Variants in KCNN3 observed in about 807,000 individuals in gnomAD.
KCNN3 encodes potassium calcium-activated channel subfamily N member 3, also known as small conductance calcium-activated potassium channel protein 3.
In KCNN3, 16 loss-of-function variants were observed where a neutral mutation model predicts 62.9. The observed-to-expected ratio is 0.25, with a 90% confidence interval of 0.17 to 0.39. The LOEUF is 0.39. Among genes scored for constraint, KCNN3 ranks in the 10% least tolerant of loss-of-function variants. KCNN3 has a pLI of 1.00. For synonymous variants in KCNN3, 370 were observed against 389.2 expected (o/e 0.95, Z 0.58); for missense variants, 599 against 949.4 (o/e 0.63, Z 4.85).
In KCNN3 at chr1:154,755,840, GGAAAGAA is replaced by G. The variant is rs200137821; in HGVS notation, c.1448+16128_1448+16134del. On this transcript the variant is annotated intron_variant, in intron 3 of 7. Coordinates refer to ENST00000271915, the MANE Select transcript of KCNN3 (RefSeq NM_002249.6). ...CAAAGAAGAAGAAGGAGGAGGAGGG[GGAAAGAA>G]GGAAGAAGGAAGAAGAAGGAAGAGG... 6.8e-3 allele frequency among the ~76,000 whole-genome samples: 805 copies of G among 118,126 alleles called. 15 individuals carry two copies. Among genetic ancestry groups the G allele is most frequent in the African/African-American group, 0.024 (764 of 31,906 alleles). The allele number at this position is 118,126 out of a possible 152,430, so 77.5% of individuals were successfully genotyped here. A position where few individuals can be genotyped will look rare whatever the true frequency, so the allele number is the denominator to read the frequency against.
At chr1:154,769,340 G>T (rs1648446419) in intron 3 of KCNN3, among the ~76,000 whole-genome samples, 1 of 152,098 alleles carries the variant, frequency 6.6e-6, no homozygotes, top group Non-Finnish European at 1.5e-5. Context: ...TGGCCTTTTC[G>T]CAAGAGAAGG....
chr1:154,759,357 A>G (rs1325165937), intron 3 of KCNN3, among the ~76,000 whole-genome samples: 1 of 151,664 alleles, frequency 6.6e-6, no homozygotes, highest in African/African-American at 2.4e-5. Flanking sequence ...GCACAATGGG[A>G]TCACGAGGGG....
intron 1 of KCNN3, among the ~76,000 whole-genome samples, chr1:154,825,831 G>T (rs545782638): frequency 6.6e-6 from 1 of 151,158 alleles, no homozygotes; most frequent in Admixed American, 6.6e-5. Context: ...GGCAGATCAC[G>T]AGGTCAGGAG....
chr1:154,709,102 G>T (rs1439869388), intron 7 of KCNN3, among the ~76,000 whole-genome samples: 2 of 152,148 alleles, frequency 1.3e-5, no homozygotes, highest in Non-Finnish European at 2.9e-5. Context: ...CCTGCACTCA[G>T]CACTGACTCC....
intron 1 of KCNN3, among the ~76,000 whole-genome samples, chr1:154,863,533 C>T (rs530629494): frequency 1.3e-5 from 2 of 152,190 alleles, no homozygotes; most frequent in African/African-American, 2.4e-5. Context: ...TTTTCTCCCC[C>T]AAATGTGCTT....
At chr1:154,832,423 T>C (rs1367783327) in intron 1 of KCNN3, among the ~76,000 whole-genome samples, 2 of 151,920 alleles carry the variant, frequency 1.3e-5, no homozygotes, top group Non-Finnish European at 1.5e-5. Context: ...CCCAGATCTG[T>C]CCTGGCATCC....
chr1:154,766,416 T>TTATATATA (rs373253800), intron 3 of KCNN3, among the ~76,000 whole-genome samples: 2,126 of 71,714 alleles, frequency 0.03, 250 homozygotes, highest in East Asian at 0.081. Context: ...TAGCCAGGCT[T>TTATATATA]TATATATATA....
chr1:154,842,394 G>A (rs1028620967), intron 1 of KCNN3, among the ~76,000 whole-genome samples: 10 of 152,164 alleles, frequency 6.6e-5, no homozygotes, highest in Admixed American at 2.0e-4. Context: ...CATACAGGCC[G>A]AGGAGAGGGG....
chr1:154,732,302 C>T (rs867179233), intron 4 of KCNN3, among the ~76,000 whole-genome samples: 18 of 152,268 alleles, frequency 1.2e-4, no homozygotes, highest in Non-Finnish European at 1.5e-4. Flanking sequence ...GCGAGAGTGT[C>T]GAGTGTGGGT....
intron 5 of KCNN3, 110 bp downstream of exon 5, chr1:154,725,806 G>T: frequency 1.3e-6 from 1 of 779,614 alleles, no homozygotes. Context: ...GCCTCCTAAA[G>T]TGTTGGGATT....
chr1:154,852,961 C>G (rs1233551237), intron 1 of KCNN3, among the ~76,000 whole-genome samples: 1 of 152,060 alleles, frequency 6.6e-6, no homozygotes, highest in Non-Finnish European at 1.5e-5. Context: ...TTTGGTAAGG[C>G]CTTCCCTGAG....
intron 1 of KCNN3, among the ~76,000 whole-genome samples, chr1:154,847,998 C>A (rs1358325846): frequency 1.3e-5 from 2 of 152,182 alleles, no homozygotes; most frequent in African/African-American, 4.8e-5. Context: ...TCCATACCTA[C>A]TCCTCCCAAA....
chr1:154,760,747 C>A (rs10908437), intron 3 of KCNN3, among the ~76,000 whole-genome samples: 94,447 of 152,104 alleles, frequency 0.62, 29,684 homozygotes, highest in Middle Eastern at 0.75. Context: ...GAGCCAGTGG[C>A]GCCTGCCTCG....
intron 3 of KCNN3, among the ~76,000 whole-genome samples, chr1:154,742,452 G>C (rs530189079): frequency 3.9e-5 from 6 of 152,334 alleles, no homozygotes; most frequent in Admixed American, 2.6e-4. Flanking sequence ...ACCTGTAAAA[G>C]AGGATAATAC....
intron 4 of KCNN3, 56 bp from the exon 5 acceptor site, chr1:154,726,082 G>T: frequency 7.4e-7 from 1 of 1,346,842 alleles, no homozygotes; most frequent in Non-Finnish European, 1.1e-6. Context: ...TAAGAGGCAA[G>T]ATGAGAGACT....
At chr1:154,852,425 G>C (rs992282413) in intron 1 of KCNN3, among the ~76,000 whole-genome samples, 1 of 150,650 alleles carries the variant, frequency 6.6e-6, no homozygotes, top group African/African-American at 2.4e-5. Flanking sequence ...CATTACCCAG[G>C]CTGGACTCGA....
At chr1:154,850,212 C>T (rs1652248943) in intron 1 of KCNN3, among the ~76,000 whole-genome samples, 1 of 152,232 alleles carries the variant, frequency 6.6e-6, no homozygotes, top group South Asian at 2.1e-4. Flanking sequence ...TAAGCTCCTT[C>T]ATTAACATCA....
At chr1:154,864,504 T>A (rs940337331) in intron 1 of KCNN3, among the ~76,000 whole-genome samples, 9 of 152,254 alleles carry the variant, frequency 5.9e-5, no homozygotes, top group African/African-American at 2.2e-4. Flanking sequence ...CTCAGGGACC[T>A]CTGTGAGGTC....
chr1:154,728,584 G>A (rs538347773), intron 4 of KCNN3, among the ~76,000 whole-genome samples: 1 of 151,640 alleles, frequency 6.6e-6, no homozygotes, highest in South Asian at 2.1e-4. Flanking sequence ...TGCGGGGCGG[G>A]AAAATGAAGA....
Sources: allele counts gnomAD v4.1 joint callset (sites outside exome capture counted in the v4.1 genomes callset), GRCh38; gene constraint gnomAD v4.1.1; transcripts MANE v1.5; gene names NCBI Gene and HGNC (gene_info 2026-07-23, HGNC 2026-07-21).